The following PALM3 variants were observed in gnomAD, a reference collection of about 807,000 sequenced individuals.
PALM3 encodes paralemmin-3.
In PALM3, 20 loss-of-function variants were observed where a neutral mutation model predicts 27.9. The ratio of observed to expected loss-of-function variants is 0.72; its 90% CI spans 0.50 to 1.04. The LOEUF (loss-of-function observed/expected upper bound fraction) is 1.04, where lower values mean the gene tolerates loss of function less well. Among genes scored for constraint, PALM3 ranks in the 50% least tolerant of loss-of-function variants. The pLI is 0.00. For synonymous variants in PALM3, 328 were observed against 352.7 expected (o/e 0.93, Z 0.79); for missense variants, 814 against 869.4 (o/e 0.94, Z 0.80).
chr19:14,060,231 G>T (rs1976393032), intron 1 of PALM3, among the ~76,000 whole-genome samples: 1 of 152,052 alleles, frequency 6.6e-6, no homozygotes, highest in Non-Finnish European at 1.5e-5. Flanking sequence ...CTGAACTCCA[G>T]CTAGGACCTT....
Position 14,056,690 on chromosome 19 carries a change from T to C in PALM3, c.286A>G (p.Ile96Val). ...QSPEGQAQAR[I>V]RNLEDSLFTL... ...AACAAACTGTCTTCCAGGTTCCGGA[T>C]TCGGGCCTGAGCCTGGCCCTCGGGT... is the stretch of plus-strand genomic sequence containing the variant. The change falls in exon 4 of 7, where the codon ATC becomes GTC. Residue 96 changes from isoleucine to valine, a missense_variant. Coordinates refer to ENST00000669674, the MANE Select transcript of PALM3 (RefSeq NM_001145028.2). The C allele has an allele frequency of 6.4e-7, 1 of 1,551,728 alleles. No homozygotes were observed. Among genetic ancestry groups the C allele is most frequent in the African/African-American group, 1.4e-5 (1 of 73,176 alleles).
intron 3 of PALM3, 39 bp downstream of exon 3, chr19:14,057,312 A>C: frequency 4.5e-5 from 60 of 1,319,764 alleles, no homozygotes; most frequent in Non-Finnish European, 5.2e-5. Context: ...CCCCCACTCC[A>C]TTCCCCAGGC....
intron 1 of PALM3, among the ~76,000 whole-genome samples, chr19:14,061,684 T>G (rs948006487): frequency 6.6e-6 from 1 of 152,110 alleles, no homozygotes; most frequent in Non-Finnish European, 1.5e-5. Context: ...GGCTGGACTT[T>G]GGGTTCTCAG....
intron 3 of PALM3, among the ~76,000 whole-genome samples, chr19:14,057,090 A>G (rs1401542957): frequency 6.6e-6 from 1 of 151,278 alleles, no homozygotes; most frequent in East Asian, 1.9e-4. Context: ...GCTCCTCTCC[A>G]TCTCCCCCAA....
chr19:14,058,673 GA>G (rs1028992838), intron 2 of PALM3, among the ~76,000 whole-genome samples: 1 of 151,924 alleles, frequency 6.6e-6, no homozygotes, highest in Non-Finnish European at 1.5e-5. Context: ...ATGGAGGAGG[GA>G]AGGATGCAGG....
At chr19:14,056,955 C>T (rs995107863) in intron 3 of PALM3, 151 bp from the exon 4 acceptor site, 4 of 777,946 alleles carry the variant, frequency 5.1e-6, no homozygotes, top group Non-Finnish European at 8.0e-6. Context: ...GGCCACAGTG[C>T]CCCCCAACGC....
At position 14,053,701 on chromosome 19, in the gene PALM3, G is replaced by A. The variant is rs781227922; in HGVS notation, c.1971C>T (p.Tyr657=). The A allele has an allele frequency of 3.5e-5, 53 of 1,502,984 alleles. 1 individual carries two copies. The highest frequency in any genetic ancestry group is 3.3e-4 in the Admixed American group (14 of 41,868). The allele number at this position is 1,502,984 out of a possible 1,614,324, so 93.1% of individuals were successfully genotyped here. ...ATGGCTCAGGCTGCCGGGCAGGCGCGTAGGTGGGCACAGGGTGGGCACTGG... is the reference window on the plus strand; with the variant it reads ...ATGGCTCAGGCTGCCGGGCAGGCGCATAGGTGGGCACAGGGTGGGCACTGG... ...ANPSAHPVPT[Y]APARQPEPSA... The change falls in exon 7 of 7, where the codon TAC becomes TAT. Residue 657 remains tyrosine (Y), a synonymous_variant. Coordinates refer to ENST00000669674, the MANE Select transcript of PALM3 (RefSeq NM_001145028.2).
At position 14,054,360 on chromosome 19, in the gene PALM3, C is replaced by A. The variant is rs144226401; in HGVS notation, c.1312G>T (p.Val438Leu). The part of the protein sequence containing the change: ...GRDEAEMSPV[V>L]ERKGGEKKLE... ...TTCTTCTCTCCTCCTTTCCTCTCTACCACTGGTGACATCTCCGCTTCATCC... is the reference window on the plus strand; with the variant it reads ...TTCTTCTCTCCTCCTTTCCTCTCTAACACTGGTGACATCTCCGCTTCATCC... Residue 438 changes from valine (V) to leucine (L), a missense_variant, in exon 7 of 7, where the codon GTA becomes TTA. Coordinates refer to ENST00000669674, the MANE Select transcript of PALM3 (RefSeq NM_001145028.2). 3.7e-3 allele frequency: 5,671 copies of A among 1,552,176 alleles called. 19 individuals carry two copies. The highest frequency in any genetic ancestry group is 5.2e-3 in the South Asian group (436 of 84,058).
chr19:14,060,099 A>C (rs1976391354), intron 1 of PALM3, among the ~76,000 whole-genome samples: 1 of 152,042 alleles, frequency 6.6e-6, no homozygotes, highest in Non-Finnish European at 1.5e-5. Context: ...CACGTGTCAC[A>C]GGCCAGTATC....
rs1008226056 is a variant in PALM3 at position 14,054,280 on chromosome 19, T to A, written c.1392A>T (p.Gly464=). 2.6e-6 allele frequency: 4 copies of A among 1,552,096 alleles called. No individual in the cohort carries two copies. In the African/African-American group the frequency reaches 5.5e-5, roughly 21 times the overall value. The stretch of plus-strand genomic sequence containing the variant: ...TCTCTATGCCCAGTGGTTCCTCACC[T>A]CCTTCCCTCTCTGTTCCCAGCTTTT... ...SAEKLGTERE[G]GEEPLGIERK... Residue 464 remains glycine (G), a synonymous_variant, in exon 7 of 7, where the codon GGA becomes GGT. Transcript: ENST00000669674.
intron 2 of PALM3, among the ~76,000 whole-genome samples, chr19:14,058,758 G>T (rs1365617273): frequency 6.6e-6 from 1 of 152,018 alleles, no homozygotes; most frequent in Non-Finnish European, 1.5e-5. Context: ...AGGGATGAAA[G>T]TTCCCAAGGA....
chr19:14,057,533 T>TC (rs1224929948), intron 2 of PALM3, 102 bp from the exon 3 acceptor site: 1 of 932,078 alleles, frequency 1.1e-6, no homozygotes, highest in Non-Finnish European at 1.5e-6. Context: ...TCACCGGAGC[T>TC]CCCGGGGCTC....
intron 5 of PALM3, 119 bp from the exon 6 acceptor site, chr19:14,055,544 G>T: frequency 1.1e-6 from 1 of 946,066 alleles, no homozygotes; most frequent in Non-Finnish European, 1.6e-6. Flanking sequence ...ATTACCTTCA[G>T]GATCAAACTC....
Position 14,054,454 on chromosome 19 carries a change from C to G in PALM3, c.1218G>C (p.Trp406Cys). 6.4e-7 allele frequency: 1 copy of G among 1,551,764 alleles called. No homozygotes were observed. Among genetic ancestry groups the G allele is most frequent in the East Asian group, 2.4e-5 (1 of 40,910 alleles). Residue 406 changes from tryptophan to cysteine, a missense_variant, in exon 7 of 7, where the codon TGG (tryptophan) becomes TGC (cysteine). Coordinates refer to ENST00000669674, the MANE Select transcript of PALM3 (RefSeq NM_001145028.2). The part of the protein sequence containing the change: ...GAKTGGGEET[W>C]EAEKRKAEES... ...CTTCCGCTTTTCTCTTCTCTGCCTC[C>G]CAGGTCTCCTCGCCTCCTCCCGTCT...
At position 14,055,231 on chromosome 19, in the gene PALM3, G is replaced by A. The variant is rs1439190373; in HGVS notation, c.446-5C>T. On this transcript the variant is annotated splice_polypyrimidine_tract_variant and splice_region_variant and intron_variant, in intron 6 of 6. Coordinates refer to ENST00000669674, the MANE Select transcript of PALM3 (RefSeq NM_001145028.2). ...TCTTGTTCAGATCAGTCTGGCCTGG[G>A]GGAGTCAGAGGTGGAGGGGAGAGGA... The A allele has an allele frequency of 6.9e-7, 1 of 1,441,814 alleles. No individual in the cohort carries two copies. 89.3% of individuals were successfully genotyped at this position (1,441,814 alleles called of 1,614,324 possible). A position where few individuals can be genotyped will look rare whatever the true frequency, so the allele number is the denominator to read the frequency against.
At chr19:14,058,972 G>A in intron 2 of PALM3, 143 bp downstream of exon 2, 2 of 655,394 alleles carry the variant, frequency 3.1e-6, no homozygotes, top group Non-Finnish European at 4.7e-6. Context: ...GAACTGGGGG[G>A]CAGAGGGGGC....
Position 14,057,366 on chromosome 19 carries a change from G to T in PALM3, c.156C>A (p.Arg52=). The part of the protein sequence containing the change: ...ARREVEEEKL[R]VERLKRKSLR... ...CGCCCCCAACCTTGAGACGCTCCAC[G>T]CGGAGTTTCTCCTCCTCCACCTCCC... The change falls in exon 3 of 7, where the codon CGC becomes CGA. Residue 52 remains arginine (R), a synonymous_variant. Coordinates refer to ENST00000669674, the MANE Select transcript of PALM3 (RefSeq NM_001145028.2). The T allele has an allele frequency of 1.9e-6, 3 of 1,543,312 alleles. No homozygotes were observed. The highest frequency in any genetic ancestry group is 1.7e-6 in the Non-Finnish European group (2 of 1,144,322).
chr19:14,054,521 C>T lies in PALM3; in HGVS notation c.1151G>A (p.Arg384Lys). The T allele has an allele frequency of 1.9e-5, 30 of 1,551,382 alleles. No homozygotes were observed. Among genetic ancestry groups the T allele is most frequent in the Non-Finnish European group, 2.6e-5 (30 of 1,146,832 alleles). Residue 384 changes from arginine to lysine, a missense_variant, in exon 7 of 7, where the codon AGG becomes AAG. Coordinates refer to ENST00000669674, the MANE Select transcript of PALM3 (RefSeq NM_001145028.2). ...EGLEGPEVAG[R>K]ERGDESPLGA... ...CAGCGGGCTTTCATCTCCTCTCTCC[C>T]TCCCTGCCACCTCGGGCCCTTCCAA... is the stretch of plus-strand genomic sequence containing the variant.
At position 14,053,414 on chromosome 19, in the gene PALM3, A is replaced by G. The variant is rs922409271; in HGVS notation, c.*191T>C. On this transcript the variant is annotated 3_prime_UTR_variant, in exon 7 of 7. Transcript: ENST00000669674. ...TTCAAGTATAAAGGCTTCATCGCAGAAGGAGGCCAGGGTTACAGGCAGTGG... is the reference window on the plus strand; with the variant it reads ...TTCAAGTATAAAGGCTTCATCGCAGGAGGAGGCCAGGGTTACAGGCAGTGG... 9 of 527,946 alleles carry G rather than the reference A, an allele frequency of 1.7e-5. No homozygotes were observed. The Admixed American group carries it at 2.6e-4, about 15-fold the overall frequency. 32.7% of individuals were successfully genotyped at this position (527,946 alleles called of 1,614,324 possible).
Sources: allele counts gnomAD v4.1 joint callset (sites outside exome capture counted in the v4.1 genomes callset), GRCh38; gene constraint gnomAD v4.1.1; transcripts MANE v1.5; gene names NCBI Gene and HGNC (gene_info 2026-07-23, HGNC 2026-07-21).